The following PLPPR4 variants were observed in gnomAD, a reference collection of about 807,000 sequenced individuals.
PLPPR4 encodes the protein phospholipid phosphatase-related protein type 4.
In PLPPR4, 24 loss-of-function variants were observed where a neutral mutation model predicts 56.6. The observed-to-expected ratio is 0.42, with a 90% CI of 0.31 to 0.60. The LOEUF is 0.60. PLPPR4 is among the 20% of genes least tolerant of loss of function. PLPPR4 has a pLI of 0.13. For synonymous variants in PLPPR4, 326 were observed against 328.1 expected (o/e 0.99, Z 0.07); for missense variants, 654 against 885.8 (o/e 0.74, Z 3.32).
intron 2 of PLPPR4, 33 bp from the exon 3 acceptor site, chr1:99,296,705 T>C (rs761118347): frequency 4.5e-6 from 7 of 1,542,476 alleles, no homozygotes; most frequent in Admixed American, 1.9e-5. Context: ...TATTCCAACA[T>C]GCCTCTTCCT....
At chr1:99,273,971 T>TAA (rs1659120026) in intron 1 of PLPPR4, among the ~76,000 whole-genome samples, 1 of 152,124 alleles carries the variant, frequency 6.6e-6, no homozygotes, top group Non-Finnish European at 1.5e-5. Flanking sequence ...CTCTTAATTG[T>TAA]ACTTACGTTC....
chr1:99,303,136 T>G (rs1037095499), intron 6 of PLPPR4, among the ~76,000 whole-genome samples: 2 of 152,106 alleles, frequency 1.3e-5, no homozygotes, highest in African/African-American at 4.8e-5. Flanking sequence ...TTGTTGTTTT[T>G]AATGGGAGTT....
chr1:99,305,535 C>A, intron 6 of PLPPR4, 150 bp from the exon 7 acceptor site: 1 of 757,226 alleles, frequency 1.3e-6, no homozygotes, highest in Non-Finnish European at 2.1e-6. Context: ...TATTTCCCTG[C>A]AAAAATATAG....
At chr1:99,286,284 A>G (rs1292287590) in intron 1 of PLPPR4, among the ~76,000 whole-genome samples, 2 of 152,186 alleles carry the variant, frequency 1.3e-5, no homozygotes, top group African/African-American at 2.4e-5. Context: ...ACTCTAGTCT[A>G]GTTATTGTAA....
rs1660079425 is a variant in PLPPR4, at chr1:99,308,003, G to T, written c.*993G>T. On this transcript the variant is annotated 3_prime_UTR_variant, in exon 7 of 7. Transcript: ENST00000370185. ...TATACTGCTGTGAATTTGCAAACAAGAAATCTGAGCCAAAACTTGACATTG... is the reference window on the plus strand; with the variant it reads ...TATACTGCTGTGAATTTGCAAACAATAAATCTGAGCCAAAACTTGACATTG... 1 of 152,176 alleles carries T rather than the reference G, an allele frequency of 6.6e-6. No homozygotes were observed. Among genetic ancestry groups the T allele is most frequent in the Non-Finnish European group, 1.5e-5 (1 of 68,026 alleles). 9.4% of individuals were successfully genotyped at this position (152,176 alleles called of 1,614,324 possible).
At chr1:99,267,588 T>C (rs1195785698) in intron 1 of PLPPR4, among the ~76,000 whole-genome samples, 1 of 152,248 alleles carries the variant, frequency 6.6e-6, no homozygotes, top group East Asian at 1.9e-4. Context: ...TAAAGGATCA[T>C]GACTGAGATA....
chr1:99,298,868 A>T lies in PLPPR4; in HGVS notation c.395-167A>T, dbSNP rs1026273547. ...ACTCATTGCCTTTATTTTGGACTTA[A>T]GTATCTGTTTAGAAGTTTAGGAATT... On this transcript the variant is annotated intron_variant, in intron 3 of 6. Transcript: ENST00000370185. 42 of 681,650 alleles carry T rather than the reference A, an allele frequency of 6.2e-5. No individual in the cohort carries two copies. The African/African-American group carries it at 6.5e-4, about 11-fold the overall frequency. The allele number at this position is 681,650 out of a possible 1,614,324, so 42.2% of individuals were successfully genotyped here. A position where few individuals can be genotyped will look rare whatever the true frequency, so the allele number is the denominator to read the frequency against.
intron 4 of PLPPR4, among the ~76,000 whole-genome samples, chr1:99,299,688 A>G (rs964239691): frequency 6.6e-6 from 1 of 151,974 alleles, no homozygotes; most frequent in African/African-American, 2.4e-5. Flanking sequence ...GGTAACATCT[A>G]AGATTGCATA....
chr1:99,283,847 G>C (rs1199556878), intron 1 of PLPPR4, among the ~76,000 whole-genome samples: 1 of 152,188 alleles, frequency 6.6e-6, no homozygotes, highest in Non-Finnish European at 1.5e-5. Flanking sequence ...AGCTACTCAG[G>C]AGACTGAGGC....
chr1:99,268,174 T>C (rs914330005), intron 1 of PLPPR4, among the ~76,000 whole-genome samples: 2 of 152,172 alleles, frequency 1.3e-5, no homozygotes, highest in African/African-American at 2.4e-5. Context: ...AAAAGGAAGA[T>C]GTAGTAAGGC....
intron 1 of PLPPR4, among the ~76,000 whole-genome samples, chr1:99,276,814 A>G (rs11588906): frequency 0.45 from 67,872 of 151,968 alleles, 15,990 homozygotes; most frequent in Middle Eastern, 0.54. Context: ...GGTGCCTTTG[A>G]AAGATTTCTT....
At chr1:99,271,642 GCA>G (rs1659061172) in intron 1 of PLPPR4, among the ~76,000 whole-genome samples, 1 of 152,100 alleles carries the variant, frequency 6.6e-6, no homozygotes, top group African/African-American at 2.4e-5. Context: ...TGTCTAGAAG[GCA>G]CAGTGTCCCC....
chr1:99,288,762 T>A (rs1030833862), intron 2 of PLPPR4, among the ~76,000 whole-genome samples: 1 of 152,106 alleles, frequency 6.6e-6, no homozygotes, highest in Admixed American at 6.6e-5. Context: ...TAGAAGAGAA[T>A]AATTTAAATG....
intron 1 of PLPPR4, 75 bp downstream of exon 1, chr1:99,264,746 G>T: frequency 6.7e-7 from 1 of 1,492,468 alleles, no homozygotes; most frequent in Admixed American, 2.0e-5. Flanking sequence ...CCTGGACAGT[G>T]TTGGAGGCGC....
At chr1:99,286,528 G>GA (rs1200557321) in intron 1 of PLPPR4, among the ~76,000 whole-genome samples, 1 of 152,036 alleles carries the variant, frequency 6.6e-6, no homozygotes, top group Admixed American at 6.6e-5. Flanking sequence ...TAAGTGTCAT[G>GA]AAAAAAATCA....
intron 1 of PLPPR4, among the ~76,000 whole-genome samples, chr1:99,271,955 A>T (rs910519169): frequency 1.4e-5 from 2 of 145,868 alleles, no homozygotes; most frequent in Non-Finnish European, 1.5e-5. Flanking sequence ...ATGGAGATCC[A>T]ATCTGTGAGC....
intron 1 of PLPPR4, among the ~76,000 whole-genome samples, chr1:99,285,503 G>T (rs1557777482): frequency 6.6e-6 from 1 of 152,142 alleles, no homozygotes; most frequent in African/African-American, 2.4e-5. Context: ...GATATTTGAA[G>T]TGATCGAATA....
chr1:99,304,557 C>T (rs1021135577), intron 6 of PLPPR4, among the ~76,000 whole-genome samples: 4 of 152,124 alleles, frequency 2.6e-5, no homozygotes, highest in African/African-American at 9.7e-5. Flanking sequence ...ATTGCTCATT[C>T]TGGTGAGAGC....
At chr1:99,265,096 G>C (rs1370664799) in intron 1 of PLPPR4, among the ~76,000 whole-genome samples, 1 of 151,834 alleles carries the variant, frequency 6.6e-6, no homozygotes, top group Non-Finnish European at 1.5e-5. Flanking sequence ...TATGAGGGTT[G>C]AAGGTGTTTA....
Sources: gnomAD v4.1 joint callset for allele counts (sites outside exome capture counted in the v4.1 genomes callset) on GRCh38, gnomAD v4.1.1 for gene constraint, MANE v1.5 for transcripts, NCBI Gene and HGNC (gene_info 2026-07-23, HGNC 2026-07-21) for gene names.